Variants in SLC25A14 observed in about 807,000 individuals in gnomAD.
The protein encoded by SLC25A14 is solute carrier family 25 member 14.
In SLC25A14, 8 loss-of-function variants were observed where a neutral mutation model predicts 28.1. That is an observed-to-expected ratio of 0.28 (90% CI 0.17 to 0.51). The LOEUF is 0.51. Among genes scored for constraint, SLC25A14 ranks in the 20% least tolerant of loss-of-function variants. The pLI is 0.97. For synonymous variants in SLC25A14, 74 were observed against 90.6 expected (o/e 0.82, Z 1.04); for missense variants, 135 against 263.8 (o/e 0.51, Z 3.38).
At chrX:130,344,057 C>T (rs1482483316) in intron 2 of SLC25A14, among the ~76,000 whole-genome samples, 1 of 112,261 alleles carries the variant, frequency 8.9e-6, no homozygotes, top group Non-Finnish European at 1.9e-5. Context: ...CAGAAGTATA[C>T]ATACTGTGAA....
At chrX:130,355,140 G>C (rs984633404) in intron 6 of SLC25A14, among the ~76,000 whole-genome samples, 1 of 112,127 alleles carries the variant, frequency 8.9e-6, no homozygotes, top group African/African-American at 3.2e-5. Context: ...ATAAATTATC[G>C]TTCTTTTAAA....
intron 7 of SLC25A14, among the ~76,000 whole-genome samples, chrX:130,362,161 G>A (rs1189770063): frequency 9.7e-6 from 1 of 102,613 alleles, no homozygotes; most frequent in African/African-American, 3.6e-5. Flanking sequence ...TTTTTGAGAC[G>A]GAGTCTTGCT....
chrX:130,366,931 C>T (rs1299754941), intron 9 of SLC25A14, among the ~76,000 whole-genome samples: 2 of 111,674 alleles, frequency 1.8e-5, no homozygotes, highest in East Asian at 5.6e-4. Context: ...GCAATGTTCA[C>T]CTAAGGTTGA....
intron 6 of SLC25A14, among the ~76,000 whole-genome samples, chrX:130,353,833 A>G (rs1342317766): frequency 8.9e-6 from 1 of 112,121 alleles, no homozygotes; most frequent in Non-Finnish European, 1.9e-5. Context: ...CAGGGTCAGC[A>G]GTAATGTCCT....
At chrX:130,359,189 C>T (rs746086289) in intron 7 of SLC25A14, 1 of 328,426 alleles carries the variant, frequency 3.0e-6, no homozygotes, top group Non-Finnish European at 5.7e-6. Context: ...CCCATCTCAA[C>T]TAGAAATACA....
At chrX:130,352,804 G>A (rs766870765) in intron 6 of SLC25A14, among the ~76,000 whole-genome samples, 2 of 111,936 alleles carry the variant, frequency 1.8e-5, no homozygotes, top group East Asian at 5.6e-4. Context: ...TATAGATGCT[G>A]GATACCAGAT....
rs759676457 is a variant in SLC25A14, at chrX:130,369,079, C to CA, written c.856-2481dup. ...TTGTTTTCACACAACTGCCTTATGCCAAAAGATGCCTCCCAGTTCTCACGT... is the reference window on the plus strand; with the variant it reads ...TTGTTTTCACACAACTGCCTTATGCCAAAAAGATGCCTCCCAGTTCTCACGT... On this transcript the variant is annotated intron_variant, in intron 9 of 10. Transcript: ENST00000545805. Among the ~76,000 whole-genome samples the CA allele has an allele frequency of 6.8e-4, 76 of 111,971 alleles. No homozygotes were observed. In the Middle Eastern group the frequency reaches 0.014, roughly 20 times the overall value.
At chrX:130,359,445 A>T (rs2033901709) in intron 7 of SLC25A14, among the ~76,000 whole-genome samples, 1 of 109,239 alleles carries the variant, frequency 9.2e-6, no homozygotes, top group Admixed American at 9.8e-5. Context: ...ACTGTAAAAT[A>T]TTGAGAAAAT....
intron 6 of SLC25A14, among the ~76,000 whole-genome samples, chrX:130,352,300 T>G: frequency 8.9e-6 from 1 of 112,701 alleles, no homozygotes; most frequent in Non-Finnish European, 1.9e-5. Context: ...TACCACATTT[T>G]CTTTATCCAG....
At chrX:130,349,139 C>T (rs778415025) in intron 4 of SLC25A14, 112 bp from the exon 5 acceptor site, 20 of 366,179 alleles carry the variant, frequency 5.5e-5, no homozygotes, top group Non-Finnish European at 6.9e-5. Context: ...TGAAAAAAAT[C>T]ATATTCTGCT....
chrX:130,367,525 A>G (rs748496441), intron 9 of SLC25A14, among the ~76,000 whole-genome samples: 1 of 111,936 alleles, frequency 8.9e-6, no homozygotes, highest in African/African-American at 3.2e-5. Flanking sequence ...TCATGGATAT[A>G]GATAAAAGCC....
chrX:130,341,444 G>A (rs1486054012), intron 2 of SLC25A14, among the ~76,000 whole-genome samples: 1 of 112,206 alleles, frequency 8.9e-6, no homozygotes, highest in Non-Finnish European at 1.9e-5. Flanking sequence ...GTGCATTGCA[G>A]GTTTGGGCAT....
Position 130,349,235 on chromosome X carries a change from CT to C in SLC25A14, c.318-4del, listed in dbSNP as rs34538632. On this transcript the variant is annotated splice_polypyrimidine_tract_variant and intron_variant, in intron 4 of 10. Coordinates refer to ENST00000545805, the MANE Select transcript of SLC25A14 (RefSeq NM_001282195.2). ...TGAAAATGTTGAGAATAACTTTTTACTTTTTTTTTTTTCAGAATTGCTCCTG... is the reference window on the plus strand; with the variant it reads ...TGAAAATGTTGAGAATAACTTTTTACTTTTTTTTTTTCAGAATTGCTCCTG... 0.027 allele frequency: 20,289 copies of C among 758,612 alleles called. No homozygotes were observed. Among genetic ancestry groups the C allele is most frequent in the Admixed American group, 0.031 (914 of 29,413 alleles). The allele number at this position is 758,612 out of a possible 1,213,427, so 62.5% of individuals were successfully genotyped here.
At chrX:130,358,807 A>G in intron 7 of SLC25A14, 72 bp downstream of exon 7, 2 of 808,237 alleles carry the variant, frequency 2.5e-6, no homozygotes, top group Non-Finnish European at 3.6e-6. Flanking sequence ...TTTTTTATAT[A>G]AAGACATAAA....
chrX:130,344,601 A>C (rs978674268), intron 2 of SLC25A14, among the ~76,000 whole-genome samples: 4 of 112,093 alleles, frequency 3.6e-5, no homozygotes, highest in African/African-American at 1.3e-4. Flanking sequence ...TCATATTGCT[A>C]TCATTCCTTT....
At chrX:130,362,095 A>G (rs1325838099) in intron 7 of SLC25A14, among the ~76,000 whole-genome samples, 1 of 101,578 alleles carries the variant, frequency 9.8e-6, no homozygotes, top group African/African-American at 3.7e-5. Context: ...TGTCACTTCC[A>G]CTTCATTTTA....
chrX:130,364,751 G>C lies in SLC25A14; in HGVS notation c.718G>C (p.Val240Leu), dbSNP rs764640101. Residue 240 changes from valine to leucine, a missense_variant and splice_region_variant, in exon 8 of 11, where the codon GTT becomes CTT. Transcript: ENST00000545805. ...GGGCGATACAATTTTAACTCACTTC[G>C]TGTAAGTAGGATGGGATGTGCTCAT... is the stretch of plus-strand genomic sequence containing the variant. ...MMGDTILTHF[V>L]SSFTCGLAGA... The C allele has an allele frequency of 8.3e-7, 1 of 1,201,301 alleles. No homozygotes were observed. Among genetic ancestry groups the C allele is most frequent in the Non-Finnish European group, 1.1e-6 (1 of 889,222 alleles).
At chrX:130,367,443 A>G (rs1461632999) in intron 9 of SLC25A14, among the ~76,000 whole-genome samples, 1 of 111,673 alleles carries the variant, frequency 9.0e-6, no homozygotes, top group Non-Finnish European at 1.9e-5. Flanking sequence ...AGTTTTGGAT[A>G]CTCAGTTTGA....
chrX:130,367,235 A>G (rs1477704753), intron 9 of SLC25A14, among the ~76,000 whole-genome samples: 1 of 112,178 alleles, frequency 8.9e-6, no homozygotes, highest in African/African-American at 3.2e-5. Flanking sequence ...GAGCATGATA[A>G]TGGAGATATA....
Sources: allele counts gnomAD v4.1 joint callset (sites outside exome capture counted in the v4.1 genomes callset), GRCh38; gene constraint gnomAD v4.1.1; transcripts MANE v1.5; gene names NCBI Gene and HGNC (gene_info 2026-07-23, HGNC 2026-07-21).